Variants in RNF216 observed in about 807,000 individuals in gnomAD.
RNF216 encodes E3 ubiquitin-protein ligase RNF216.
RNF216 carries 72 observed loss-of-function variants against 110.8 expected under a neutral mutation model. That is an observed-to-expected ratio of 0.65 (90% confidence interval 0.54 to 0.79). The LOEUF is 0.79. RNF216 is among the 30% of genes least tolerant of loss of function. The pLI, the probability that RNF216 is intolerant of heterozygous loss-of-function variation, is 0.00. For synonymous variants in RNF216, 495 were observed against 407.5 expected (o/e 1.21, Z -2.59); for missense variants, 1,342 against 1,141.2 (o/e 1.18, Z -2.54).
At chr7:5,710,709 G>A (rs1792626181) in intron 13 of RNF216, among the ~76,000 whole-genome samples, 1 of 152,082 alleles carries the variant, frequency 6.6e-6, no homozygotes, top group Non-Finnish European at 1.5e-5. Context: ...CACTCCCGGG[G>A]CCTAGAACAT....
intron 13 of RNF216, among the ~76,000 whole-genome samples, chr7:5,681,596 A>C (rs1790655162): frequency 1.3e-5 from 2 of 152,088 alleles, no homozygotes; most frequent in Admixed American, 1.3e-4. Context: ...CACTGACCAC[A>C]CTGACAACCT....
intron 14 of RNF216, among the ~76,000 whole-genome samples, chr7:5,649,145 G>C (rs959529797): frequency 3.3e-5 from 5 of 152,196 alleles, no homozygotes; most frequent in African/African-American, 9.6e-5. Context: ...ACTTTGGGAG[G>C]CTGAGGTGGG....
chr7:5,679,211 C>T (rs746894123), intron 13 of RNF216, among the ~76,000 whole-genome samples: 10 of 147,620 alleles, frequency 6.8e-5, no homozygotes, highest in Non-Finnish European at 1.3e-4. Flanking sequence ...GGTGCGGTGG[C>T]GGGGGGGCGG....
At chr7:5,760,334 T>C (rs1235899857) in intron 2 of RNF216, 2 of 232,550 alleles carry the variant, frequency 8.6e-6, no homozygotes, top group Admixed American at 9.8e-5. Context: ...CTGAACAACG[T>C]GGAGAAACCC....
intron 14 of RNF216, among the ~76,000 whole-genome samples, chr7:5,643,598 T>C (rs1787874346): frequency 6.6e-6 from 1 of 152,128 alleles, no homozygotes; most frequent in South Asian, 2.1e-4. Context: ...GATGGTGGCA[T>C]AAGCCATGCC....
intron 3 of RNF216, among the ~76,000 whole-genome samples, chr7:5,750,199 C>T (rs564749163): frequency 6.6e-6 from 1 of 152,276 alleles, no homozygotes; most frequent in East Asian, 1.9e-4. Context: ...CAATGCCTGG[C>T]TTTAAGCATT....
At chr7:5,708,043 A>C (rs1422181492) in intron 13 of RNF216, among the ~76,000 whole-genome samples, 3 of 152,164 alleles carry the variant, frequency 2.0e-5, no homozygotes, top group African/African-American at 7.2e-5. Context: ...TTTAGTTCTC[A>C]TACTTTGTGA....
intron 10 of RNF216, among the ~76,000 whole-genome samples, chr7:5,716,500 AG>A (rs1793074441): frequency 6.6e-6 from 1 of 152,128 alleles, no homozygotes; most frequent in African/African-American, 2.4e-5. Context: ...GATTTTTAAC[AG>A]GAACATCTAT....
intron 3 of RNF216, among the ~76,000 whole-genome samples, chr7:5,742,245 C>A (rs1007340676): frequency 2.0e-5 from 3 of 152,068 alleles, no homozygotes; most frequent in Non-Finnish European, 2.9e-5. Flanking sequence ...TGGGGTTTTG[C>A]CATGTTGGCC....
At chr7:5,765,932 G>A (rs183016970) in intron 1 of RNF216, among the ~76,000 whole-genome samples, 74 of 130,738 alleles carry the variant, frequency 5.7e-4, no homozygotes, top group African/African-American at 1.9e-3. Flanking sequence ...CAGCCTGAGC[G>A]ACAGAGTGAG....
chr7:5,653,814 G>A (rs115855063), intron 13 of RNF216, among the ~76,000 whole-genome samples: 1,905 of 152,126 alleles, frequency 0.013, 52 homozygotes, highest in African/African-American at 0.044. Flanking sequence ...GAATAGGGCG[G>A]CGAAAACAGA....
At chr7:5,692,359 T>C (rs939748567) in intron 13 of RNF216, among the ~76,000 whole-genome samples, 1 of 152,220 alleles carries the variant, frequency 6.6e-6, no homozygotes, top group African/African-American at 2.4e-5. Context: ...AAGCAGACAT[T>C]TTTAAAAAGC....
intron 13 of RNF216, among the ~76,000 whole-genome samples, chr7:5,661,615 C>T (rs1336079450): frequency 6.6e-6 from 1 of 152,020 alleles, no homozygotes; most frequent in Non-Finnish European, 1.5e-5. Context: ...CCAGCCTGGC[C>T]AACATGGTGA....
intron 2 of RNF216, among the ~76,000 whole-genome samples, chr7:5,760,222 A>C (rs1181935217): frequency 6.6e-6 from 1 of 152,174 alleles, no homozygotes. Context: ...AAAACTTTAA[A>C]AACTGTAGAA....
intron 13 of RNF216, among the ~76,000 whole-genome samples, chr7:5,664,738 C>G (rs1562803987): frequency 6.6e-6 from 1 of 152,234 alleles, no homozygotes; most frequent in Non-Finnish European, 1.5e-5. Context: ...TCTGCACTCC[C>G]AGAAACAAGA....
At chr7:5,746,834 A>G (rs1449778435) in intron 3 of RNF216, among the ~76,000 whole-genome samples, 1 of 152,234 alleles carries the variant, frequency 6.6e-6, no homozygotes, top group Non-Finnish European at 1.5e-5. Context: ...AATGTTCCAG[A>G]TGAAAAAGAG....
intron 3 of RNF216, among the ~76,000 whole-genome samples, chr7:5,748,839 C>T (rs1181608573): frequency 6.6e-6 from 1 of 152,048 alleles, no homozygotes. Context: ...GGTTGGCACC[C>T]CTAACCACCA....
Position 5,620,175 on chromosome 7 carries a change from G to A in RNF216, c.*2685C>T, listed in dbSNP as rs1786264308. The A allele has an allele frequency of 6.6e-6, 1 of 152,246 alleles. No homozygotes were observed. Among genetic ancestry groups the A allele is most frequent in the South Asian group, 2.1e-4 (1 of 4,832 alleles). 9.4% of individuals were successfully genotyped at this position (152,246 alleles called of 1,614,324 possible). A position where few individuals can be genotyped will look rare whatever the true frequency, so the allele number is the denominator to read the frequency against. On this transcript the variant is annotated 3_prime_UTR_variant, in exon 17 of 17. Coordinates refer to ENST00000389902, the MANE Select transcript of RNF216 (RefSeq NM_207111.4). ...CCAGAAGGTAAAGAAAAAGTTTAAT[G>A]AACTAATCGTTTCTTGTTTTTATAC... is the stretch of plus-strand genomic sequence containing the variant.
At chr7:5,743,916 A>C (rs1483906527) in intron 3 of RNF216, among the ~76,000 whole-genome samples, 3 of 152,188 alleles carry the variant, frequency 2.0e-5, no homozygotes, top group Admixed American at 2.0e-4. Flanking sequence ...TCTTCAAGAA[A>C]CCAATTAAGA....
Sources: allele counts gnomAD v4.1 joint callset (sites outside exome capture counted in the v4.1 genomes callset), GRCh38; gene constraint gnomAD v4.1.1; transcripts MANE v1.5; gene names NCBI Gene and HGNC (gene_info 2026-07-23, HGNC 2026-07-21).